SNTG1: variants seen among roughly 807,000 people sequenced by gnomAD.
The protein encoded by SNTG1 is gamma-1-syntrophin.
Under a neutral mutation model 74.7 loss-of-function variants are expected in SNTG1, and 39 were observed. That is an observed-to-expected ratio of 0.52 (90% CI 0.40 to 0.68). The LOEUF (loss-of-function observed/expected upper bound fraction) is 0.68, where lower values mean the gene tolerates loss of function less well. Ranked by LOEUF, SNTG1 falls within the 30% of genes least tolerant of loss-of-function variation. The pLI is 0.00. For synonymous variants in SNTG1, 254 were observed against 217.1 expected (o/e 1.17, Z -1.49); for missense variants, 685 against 609.5 (o/e 1.12, Z -1.30).
intron 1 of SNTG1, among the ~76,000 whole-genome samples, chr8:50,011,200 C>A (rs539355119): frequency 6.6e-6 from 1 of 152,094 alleles, no homozygotes. Flanking sequence ...ACATGACAAA[C>A]ATTATTCTGA....
chr8:50,510,751 C>A (rs1031394252), intron 9 of SNTG1, among the ~76,000 whole-genome samples: 2 of 152,034 alleles, frequency 1.3e-5, no homozygotes, highest in Admixed American at 1.3e-4. Context: ...TCTGTGGGAT[C>A]GGTGGTGATA....
intron 4 of SNTG1, among the ~76,000 whole-genome samples, chr8:50,437,644 T>C (rs1043868470): frequency 1.3e-5 from 2 of 152,162 alleles, no homozygotes; most frequent in Non-Finnish European, 2.9e-5. Context: ...AACAAATATC[T>C]ACCCCAGATG....
intron 18 of SNTG1, among the ~76,000 whole-genome samples, chr8:50,788,290 A>G (rs2095681533): frequency 1.3e-5 from 2 of 152,066 alleles, no homozygotes; most frequent in South Asian, 2.1e-4. Flanking sequence ...TAATAATGCT[A>G]TTAAGCAAGT....
intron 1 of SNTG1, among the ~76,000 whole-genome samples, chr8:50,022,901 G>A (rs1260543158): frequency 2.0e-5 from 3 of 152,148 alleles, no homozygotes; most frequent in Non-Finnish European, 2.9e-5. Flanking sequence ...TCCATGTTAG[G>A]AGAGTGTTTC....
chr8:50,542,343 G>T (rs1268558664), intron 11 of SNTG1, among the ~76,000 whole-genome samples: 1 of 151,648 alleles, frequency 6.6e-6, no homozygotes, highest in Non-Finnish European at 1.5e-5. Flanking sequence ...CTTTAGTAGA[G>T]ATGGGGTTTC....
intron 10 of SNTG1, among the ~76,000 whole-genome samples, chr8:50,535,561 A>G (rs544934650): frequency 6.6e-6 from 1 of 152,334 alleles, no homozygotes; most frequent in South Asian, 2.1e-4. Flanking sequence ...AGTCACCAGT[A>G]GGGACCCCTC....
intron 15 of SNTG1, among the ~76,000 whole-genome samples, chr8:50,692,708 T>A (rs941112120): frequency 1.2e-4 from 19 of 152,182 alleles, no homozygotes; most frequent in African/African-American, 4.6e-4. Context: ...GGGACCCACT[T>A]GAGGAGGCAG....
chr8:50,538,790 T>TTTCC (rs1461399830), intron 11 of SNTG1, among the ~76,000 whole-genome samples: 2 of 152,146 alleles, frequency 1.3e-5, no homozygotes, highest in Non-Finnish European at 2.9e-5. Context: ...CTTTCCATTC[T>TTTCC]CTCCCTCTAC....
intron 1 of SNTG1, among the ~76,000 whole-genome samples, chr8:50,050,055 TA>T (rs994482403): frequency 1.3e-5 from 2 of 149,862 alleles, no homozygotes; most frequent in South Asian, 2.1e-4. Flanking sequence ...ACGAGAAAAA[TA>T]AGAGTAAAGA....
At chr8:50,348,050 G>C (rs752444665) in intron 2 of SNTG1, among the ~76,000 whole-genome samples, 31 of 152,092 alleles carry the variant, frequency 2.0e-4, no homozygotes, top group Non-Finnish European at 2.4e-4. Context: ...GCAGTTAATT[G>C]CTCTGATTGA....
chr8:50,608,524 CTT>C (rs905564695), intron 13 of SNTG1, among the ~76,000 whole-genome samples: 3 of 151,706 alleles, frequency 2.0e-5, no homozygotes, highest in Non-Finnish European at 4.4e-5. Flanking sequence ...TTCCATCTCT[CTT>C]ATGGTTGCTA....
intron 18 of SNTG1, among the ~76,000 whole-genome samples, chr8:50,757,016 C>T (rs925998198): frequency 2.6e-5 from 4 of 151,390 alleles, no homozygotes; most frequent in Non-Finnish European, 4.4e-5. Context: ...GACATGTGAC[C>T]GAGAATATCT....
intron 9 of SNTG1, among the ~76,000 whole-genome samples, chr8:50,511,625 A>G (rs562079414): frequency 2.0e-5 from 3 of 152,264 alleles, no homozygotes; most frequent in Non-Finnish European, 4.4e-5. Flanking sequence ...CATATTTAGG[A>G]TAGTTAGATC....
At chr8:49,930,838 G>GA (rs1240929089) in intron 1 of SNTG1, among the ~76,000 whole-genome samples, 4 of 151,954 alleles carry the variant, frequency 2.6e-5, no homozygotes, top group African/African-American at 9.7e-5. Context: ...AAGAACACTT[G>GA]AAAAAATGCT....
At chr8:50,053,653 G>GTGTGTGTGTC (rs1388802117) in intron 1 of SNTG1, among the ~76,000 whole-genome samples, 110 of 150,908 alleles carry the variant, frequency 7.3e-4, no homozygotes, top group Non-Finnish European at 1.0e-3. Flanking sequence ...GTGTGTGTGT[G>GTGTGTGTGTC]TGTGTATAAT....
chr8:50,451,632 A>G (rs1281360325), intron 8 of SNTG1, among the ~76,000 whole-genome samples: 1 of 152,168 alleles, frequency 6.6e-6, no homozygotes, highest in Non-Finnish European at 1.5e-5. Flanking sequence ...CTGGAATTAG[A>G]TATTCTAATT....
At chr8:50,262,725 A>T (rs776392589) in intron 2 of SNTG1, among the ~76,000 whole-genome samples, 24 of 152,000 alleles carry the variant, frequency 1.6e-4, no homozygotes, top group African/African-American at 2.9e-4. Flanking sequence ...CTTTTTTTTT[A>T]AAAGATCAAT....
At chr8:50,786,173 A>T (rs1488965455) in intron 18 of SNTG1, among the ~76,000 whole-genome samples, 1 of 152,000 alleles carries the variant, frequency 6.6e-6, no homozygotes, top group Non-Finnish European at 1.5e-5. Context: ...TGACTTCTGC[A>T]AGGTTGCAGC....
chr8:49,943,150 C>T (rs985252446), intron 1 of SNTG1, among the ~76,000 whole-genome samples: 9 of 151,976 alleles, frequency 5.9e-5, no homozygotes, highest in African/African-American at 2.2e-4. Flanking sequence ...TTAAATCCAC[C>T]CTGTTCAAAA....
Sources: gnomAD v4.1 joint callset for allele counts (sites outside exome capture counted in the v4.1 genomes callset) on GRCh38, gnomAD v4.1.1 for gene constraint, MANE v1.5 for transcripts, NCBI Gene and HGNC (gene_info 2026-07-23, HGNC 2026-07-21) for gene names.